PDE11A: variants seen among roughly 807,000 people sequenced by gnomAD.
PDE11A encodes the protein phosphodiesterase 11A, also known as dual 3',5'-cyclic-AMP and -GMP phosphodiesterase 11A.
Under a neutral mutation model 100.5 loss-of-function variants are expected in PDE11A, and 100 were observed. That is an observed-to-expected ratio of 1.00 (90% confidence interval 0.85 to 1.18). The LOEUF (loss-of-function observed/expected upper bound fraction) is 1.18, where lower values mean the gene tolerates loss of function less well. Among genes scored for constraint, PDE11A ranks in the 50% most tolerant of loss-of-function variants. The pLI, the probability that PDE11A is intolerant of heterozygous loss-of-function variation, is 0.00. For missense variants in PDE11A, 1,141 were observed against 1,152.6 expected, an observed-to-expected ratio of 0.99 and a Z score of 0.15; for synonymous variants, 381 against 420.8, an observed-to-expected ratio of 0.91 and a Z score of 1.16.
At chr2:177,770,929 C>T (rs1206991095) in intron 9 of PDE11A, among the ~76,000 whole-genome samples, 1 of 152,166 alleles carries the variant, frequency 6.6e-6, no homozygotes, top group Non-Finnish European at 1.5e-5. Flanking sequence ...TGAGCTCAAG[C>T]GATTCTCTCA....
intron 14 of PDE11A, among the ~76,000 whole-genome samples, chr2:177,700,310 GC>G (rs2081177773): frequency 6.6e-6 from 1 of 151,456 alleles, no homozygotes; most frequent in Non-Finnish European, 1.5e-5. Flanking sequence ...TTCTAGTGAA[GC>G]AGGGCCTTAA....
intron 2 of PDE11A, among the ~76,000 whole-genome samples, chr2:177,944,153 T>C (rs2085376292): frequency 6.6e-6 from 1 of 152,190 alleles, no homozygotes; most frequent in Non-Finnish European, 1.5e-5. Flanking sequence ...GAAAGAAGAC[T>C]GTATGGTAAT....
intron 2 of PDE11A, among the ~76,000 whole-genome samples, chr2:177,960,823 C>G (rs1336326553): frequency 2.0e-5 from 3 of 152,168 alleles, no homozygotes; most frequent in Non-Finnish European, 4.4e-5. Context: ...TAATATTAGT[C>G]TAGTCTTGCC....
upstream of PDE11A, among the ~76,000 whole-genome samples, chr2:178,075,571 A>AAT (rs1261116513): frequency 1.3e-5 from 2 of 151,326 alleles, no homozygotes; most frequent in Non-Finnish European, 2.9e-5. Flanking sequence ...AAAAAAAAAA[A>AAT]AAAAGACATC....
intron 9 of PDE11A, among the ~76,000 whole-genome samples, chr2:177,795,850 G>C (rs1200733147): frequency 6.7e-6 from 1 of 148,838 alleles, no homozygotes; most frequent in African/African-American, 2.5e-5. Flanking sequence ...ATACTTTCAG[G>C]TGGTTAGGGA....
chr2:177,954,162 TG>T (rs2105784769), intron 2 of PDE11A, among the ~76,000 whole-genome samples: 1 of 152,038 alleles, frequency 6.6e-6, no homozygotes, highest in African/African-American at 2.4e-5. Context: ...CTGTTTCCTT[TG>T]AAATCCTCAA....
At chr2:178,007,580 C>G (rs1400902998) in intron 2 of PDE11A, among the ~76,000 whole-genome samples, 2 of 152,126 alleles carry the variant, frequency 1.3e-5, no homozygotes, top group Non-Finnish European at 2.9e-5. Context: ...TTATGGGATT[C>G]AATCCAAATT....
chr2:178,003,422 C>T (rs925021195), intron 2 of PDE11A, among the ~76,000 whole-genome samples: 2 of 151,912 alleles, frequency 1.3e-5, no homozygotes, highest in Non-Finnish European at 2.9e-5. Flanking sequence ...GTCTTGAAAA[C>T]GTTATGCTAA....
intron 5 of PDE11A, among the ~76,000 whole-genome samples, chr2:177,854,746 A>C (rs2083800209): frequency 6.6e-6 from 1 of 152,156 alleles, no homozygotes. Flanking sequence ...ACCAAGAGGC[A>C]GACTCAGAAT....
intron 15 of PDE11A, among the ~76,000 whole-genome samples, chr2:177,685,592 T>C (rs562144258): frequency 1.3e-5 from 2 of 152,220 alleles, no homozygotes; most frequent in South Asian, 4.2e-4. Context: ...TCTTGTTGAG[T>C]AGGCTGGAGT....
At chr2:177,745,957 A>C (rs1220505416) in intron 10 of PDE11A, among the ~76,000 whole-genome samples, 1 of 152,026 alleles carries the variant, frequency 6.6e-6, no homozygotes, top group African/African-American at 2.4e-5. Context: ...TGTGAACCCC[A>C]CTGCTTACCT....
At position 178,009,566 on chromosome 2, in the gene PDE11A, G is replaced by T. The variant is rs1032351007; in HGVS notation, c.1071+4736C>A. ...AAGGGAAGCTTTCAGGCAGAGGCTG[G>T]ATGACTATCTGTCAGGTAAAATTTC... On this transcript the variant is annotated intron_variant, in intron 2 of 19. Transcript: ENST00000286063. 6.0e-5 allele frequency among the ~76,000 whole-genome samples: 9 copies of T among 150,250 alleles called. No homozygotes were observed. In the East Asian group the frequency reaches 7.9e-4, roughly 13 times the overall value.
chr2:177,904,469 G>A (rs1220570869), intron 3 of PDE11A, among the ~76,000 whole-genome samples: 1 of 151,930 alleles, frequency 6.6e-6, no homozygotes, highest in Non-Finnish European at 1.5e-5. Flanking sequence ...AGTTGTAAAA[G>A]CATCACCAAA....
chr2:178,053,163 A>G (rs1250995038), intron 1 of PDE11A, among the ~76,000 whole-genome samples: 1 of 152,228 alleles, frequency 6.6e-6, no homozygotes, highest in Admixed American at 6.5e-5. Context: ...AAGCTTATCC[A>G]CCATGATCAA....
At chr2:177,686,370 C>T (rs984399684) in intron 15 of PDE11A, among the ~76,000 whole-genome samples, 1 of 152,028 alleles carries the variant, frequency 6.6e-6, no homozygotes, top group Non-Finnish European at 1.5e-5. Flanking sequence ...AGTTGGAGAC[C>T]AGCCTTAGCA....
Position 177,778,807 on chromosome 2 carries a change from GT to G in PDE11A, c.1738-9435del, listed in dbSNP as rs2082414078. Among the ~76,000 whole-genome samples, 5 of 152,282 alleles carry G rather than the reference GT, an allele frequency of 3.3e-5. No homozygotes were observed. In the South Asian group the frequency reaches 1.0e-3, roughly 32 times the overall value. Reference sequence around the variant, plus strand: ...ACGCGTTGAAACTGAGAAATCATCAGTTTTTATTGTCAAGTATTTAAGACAC... The same window carrying G: ...ACGCGTTGAAACTGAGAAATCATCAGTTTTATTGTCAAGTATTTAAGACAC... On this transcript the variant is annotated intron_variant, in intron 9 of 19. Coordinates refer to ENST00000286063, the MANE Select transcript of PDE11A (RefSeq NM_016953.4).
intron 1 of PDE11A, chr2:178,105,834 C>A: frequency 8.7e-6 from 4 of 461,658 alleles, no homozygotes; most frequent in Non-Finnish European, 6.6e-6. Flanking sequence ...CAGATTTCTG[C>A]AATAAACACT....
At chr2:177,763,846 A>C (rs2082202920) in intron 10 of PDE11A, among the ~76,000 whole-genome samples, 1 of 152,008 alleles carries the variant, frequency 6.6e-6, no homozygotes, top group South Asian at 2.1e-4. Context: ...TGGCAATTGG[A>C]GAAAGGAGCG....
At chr2:177,730,551 T>C (rs557687131) in intron 10 of PDE11A, among the ~76,000 whole-genome samples, 51 of 152,026 alleles carry the variant, frequency 3.4e-4, no homozygotes, top group Non-Finnish European at 6.3e-4. Flanking sequence ...TCTCATATTT[T>C]TTCTTTTCCT....
Sources: allele counts gnomAD v4.1 joint callset (sites outside exome capture counted in the v4.1 genomes callset), GRCh38; gene constraint gnomAD v4.1.1; transcripts MANE v1.5; gene names NCBI Gene and HGNC (gene_info 2026-07-23, HGNC 2026-07-21).